SYTL3: variants seen among roughly 807,000 people sequenced by gnomAD.
SYTL3 encodes synaptotagmin-like protein 3.
A neutral mutation model predicts 82.1 loss-of-function variants in SYTL3; 88 were observed. That is an observed-to-expected ratio of 1.07 (90% confidence interval 0.90 to 1.28). The LOEUF (loss-of-function observed/expected upper bound fraction) is 1.28, where lower values mean the gene tolerates loss of function less well. Ranked by LOEUF, SYTL3 falls within the 50% of genes most tolerant of loss-of-function variation. SYTL3 has a pLI of 0.00. For synonymous variants in SYTL3, 311 were observed against 289.4 expected, an observed-to-expected ratio of 1.07 and a Z score of -0.76; for missense variants, 831 against 757.6, an observed-to-expected ratio of 1.10 and a Z score of -1.14.
rs375201866 is a variant in SYTL3, at chr6:158,682,949, A to G, written c.354A>G (p.Glu118=). ...GGAATGTCAAAATAAAAACTGGAGAATGGTTCTATGAGGAACGAGCCAAGA... is the reference window on the plus strand; with the variant it reads ...GGAATGTCAAAATAAAAACTGGAGAGTGGTTCTATGAGGAACGAGCCAAGA... ...EDRNVKIKTG[E]WFYEERAKKF... Residue 118 remains glutamate, a synonymous_variant, in exon 6 of 18, where the codon GAA becomes GAG. Transcript: ENST00000611299. The G allele has an allele frequency of 1.4e-5, 23 of 1,613,504 alleles. No homozygotes were observed. Among genetic ancestry groups the G allele is most frequent in the African/African-American group, 2.7e-5 (2 of 74,914 alleles).
intron 6 of SYTL3, among the ~76,000 whole-genome samples, chr6:158,696,606 A>T (rs1780587475): frequency 6.6e-6 from 1 of 152,012 alleles, no homozygotes; most frequent in Non-Finnish European, 1.5e-5. Context: ...TTTCCCTAAT[A>T]ATTAGTGATG....
intron 12 of SYTL3, among the ~76,000 whole-genome samples, chr6:158,750,257 G>A (rs1033389159): frequency 6.6e-6 from 1 of 152,134 alleles, no homozygotes; most frequent in Non-Finnish European, 1.5e-5. Flanking sequence ...GAAAACCAAG[G>A]GGGTGATAAA....
rs974804443 is a variant in SYTL3 at position 158,663,011 on chromosome 6, C to T, written c.-258C>T. ...GCTGCTGCAGAACCCGGTGAAAACA[C>T]CCCCCGGGTAGCACGAGGCTCTGCG... is the stretch of plus-strand genomic sequence containing the variant. On this transcript the variant is annotated 5_prime_UTR_variant, in exon 4 of 18. Coordinates refer to ENST00000611299, the MANE Select transcript of SYTL3 (RefSeq NM_001242394.2). 1.4e-5 allele frequency: 5 copies of T among 358,836 alleles called. No individual in the cohort carries two copies. The highest frequency in any genetic ancestry group is 2.0e-5 in the Non-Finnish European group (4 of 197,140). The allele number at this position is 358,836 out of a possible 1,614,324, so 22.2% of individuals were successfully genotyped here. A position where few individuals can be genotyped will look rare whatever the true frequency, so the allele number is the denominator to read the frequency against.
chr6:158,692,244 C>G (rs1242683370), intron 6 of SYTL3, among the ~76,000 whole-genome samples: 9 of 95,006 alleles, frequency 9.5e-5, no homozygotes, highest in African/African-American at 4.1e-5. Flanking sequence ...GGCGACAGAG[C>G]GAGACTCCGT....
At chr6:158,684,437 T>C (rs945022861) in intron 6 of SYTL3, among the ~76,000 whole-genome samples, 3 of 152,216 alleles carry the variant, frequency 2.0e-5, no homozygotes, top group Admixed American at 1.3e-4. Flanking sequence ...TGATTTGTGC[T>C]TTGATCACAG....
chr6:158,696,814 A>G (rs1312514431), intron 6 of SYTL3, among the ~76,000 whole-genome samples: 1 of 152,174 alleles, frequency 6.6e-6, no homozygotes, highest in Non-Finnish European at 1.5e-5. Flanking sequence ...TGGTACTGAT[A>G]TAAAGACGGA....
chr6:158,735,957 G>T (rs1233899557), intron 11 of SYTL3, among the ~76,000 whole-genome samples: 1 of 152,178 alleles, frequency 6.6e-6, no homozygotes, highest in East Asian at 1.9e-4. Context: ...AAGAACTTCA[G>T]TCACAGGAAC....
chr6:158,696,726 C>G (rs904242864), intron 6 of SYTL3, among the ~76,000 whole-genome samples: 2 of 150,712 alleles, frequency 1.3e-5, no homozygotes, highest in Non-Finnish European at 3.0e-5. Context: ...TTCTTAAAAA[C>G]AAAAAAAGAA....
At chr6:158,704,646 C>T (rs984163727) in intron 6 of SYTL3, among the ~76,000 whole-genome samples, 2 of 152,254 alleles carry the variant, frequency 1.3e-5, no homozygotes, top group Non-Finnish European at 2.9e-5. Context: ...GAGGGGTGAC[C>T]CCGCAGGGTG....
At chr6:158,678,279 T>G (rs778181641) in intron 5 of SYTL3, among the ~76,000 whole-genome samples, 2 of 152,202 alleles carry the variant, frequency 1.3e-5, no homozygotes, top group African/African-American at 4.8e-5. Flanking sequence ...GAGATGTGCT[T>G]CTTTAGGGAT....
chr6:158,721,971 A>G (rs1784156019), intron 10 of SYTL3, among the ~76,000 whole-genome samples: 1 of 152,092 alleles, frequency 6.6e-6, no homozygotes, highest in Non-Finnish European at 1.5e-5. Flanking sequence ...TCAGACTGCA[A>G]TTACACATGC....
chr6:158,762,598 G>A (rs1288320015), intron 16 of SYTL3, among the ~76,000 whole-genome samples: 2 of 152,178 alleles, frequency 1.3e-5, no homozygotes, highest in African/African-American at 4.8e-5. Flanking sequence ...CTCCCCGTCA[G>A]TGACATAGGG....
intron 11 of SYTL3, among the ~76,000 whole-genome samples, chr6:158,732,399 T>A (rs571923795): frequency 3.0e-4 from 46 of 152,372 alleles, no homozygotes; most frequent in South Asian, 1.9e-3. Context: ...ATGGATTAAA[T>A]ATTCCATCCG....
chr6:158,655,846 C>G (rs1190663178), intron 2 of SYTL3, among the ~76,000 whole-genome samples: 2 of 152,202 alleles, frequency 1.3e-5, no homozygotes. Flanking sequence ...GCAGAGGCAG[C>G]TACTCACCCA....
chr6:158,741,940 C>T (rs1044665606), intron 11 of SYTL3, among the ~76,000 whole-genome samples: 5 of 152,162 alleles, frequency 3.3e-5, no homozygotes, highest in African/African-American at 9.7e-5. Context: ...TGTCATCTTC[C>T]GATGGCCGCC....
At chr6:158,708,521 G>C in intron 8 of SYTL3, 130 bp downstream of exon 8, 1 of 859,404 alleles carries the variant, frequency 1.2e-6, no homozygotes, top group South Asian at 1.5e-5. Flanking sequence ...GCCTGGAGCG[G>C]GTCACAAAGC....
At chr6:158,698,818 G>A (rs998881081) in intron 6 of SYTL3, among the ~76,000 whole-genome samples, 2 of 103,316 alleles carry the variant, frequency 1.9e-5, no homozygotes, top group African/African-American at 4.9e-5. Flanking sequence ...CTGGGGGTGG[G>A]CATAAGGCCT....
intron 2 of SYTL3, among the ~76,000 whole-genome samples, chr6:158,657,672 G>A (rs991654816): frequency 2.0e-5 from 3 of 152,114 alleles, no homozygotes; most frequent in African/African-American, 7.2e-5. Flanking sequence ...GAGAAGACAA[G>A]GTGAAATAGT....
At chr6:158,678,749 G>C (rs555625411) in intron 5 of SYTL3, among the ~76,000 whole-genome samples, 49 of 152,250 alleles carry the variant, frequency 3.2e-4, no homozygotes, top group Middle Eastern at 6.8e-3. Flanking sequence ...CATGGGTCAG[G>C]TCTCCTGATT....
Sources: allele counts gnomAD v4.1 joint callset (sites outside exome capture counted in the v4.1 genomes callset), GRCh38; gene constraint gnomAD v4.1.1; transcripts MANE v1.5; gene names NCBI Gene and HGNC (gene_info 2026-07-23, HGNC 2026-07-21).